The following CD36 variants were observed in gnomAD, a reference collection of about 807,000 sequenced individuals.
The protein encoded by CD36 is platelet glycoprotein 4.
CD36 carries 119 observed loss-of-function variants against 55.2 expected under a neutral mutation model. The observed-to-expected ratio is 2.15, with a 90% CI of 1.86 to 2.51. The LOEUF is 2.51. Among genes scored for constraint, CD36 ranks in the 30% most tolerant of loss-of-function variants. CD36 has a pLI of 0.00. For synonymous variants in CD36, 186 were observed against 193.6 expected (o/e 0.96, Z 0.33); for missense variants, 819 against 555.5 (o/e 1.47, Z -4.77).
intron 8 of CD36, among the ~76,000 whole-genome samples, chr7:80,667,756 T>TTTTTTGTG (rs1797255262): frequency 7.3e-6 from 1 of 137,872 alleles, no homozygotes; most frequent in African/African-American, 2.8e-5. Context: ...TGTTTTTTTT[T>TTTTTTGTG]TTTTTTTTTT....
intron 3 of CD36, among the ~76,000 whole-genome samples, chr7:80,648,578 A>T (rs1795353999): frequency 6.6e-6 from 1 of 152,118 alleles, no homozygotes; most frequent in Admixed American, 6.6e-5. Context: ...GTTTTCTGAC[A>T]TCAAAATGTG....
intron 5 of CD36, chr7:80,662,491 G>A (rs1796617468): frequency 3.7e-6 from 1 of 268,762 alleles, no homozygotes; most frequent in African/African-American, 2.3e-5. Flanking sequence ...GCCGTTAGAC[G>A]TGGAACCTGC....
rs559918039 is a variant in CD36, at chr7:80,669,485, T to C, written c.749-468T>C. ...ACTTGTCGCCCAGGCTGGAGTGCAA[T>C]GGCATGATCTTGGCTCACTGCAGTA... is the stretch of plus-strand genomic sequence containing the variant. On this transcript the variant is annotated intron_variant, in intron 8 of 14. Transcript: ENST00000447544. Among the ~76,000 whole-genome samples, 4 of 152,250 alleles carry C rather than the reference T, an allele frequency of 2.6e-5. No homozygotes were observed. In the South Asian group the frequency reaches 6.2e-4, roughly 24 times the overall value.
In CD36 at chr7:80,670,999, T is replaced by G; in HGVS notation, c.841T>G (p.Ser281Ala). The G allele has an allele frequency of 6.2e-7, 1 of 1,613,334 alleles. No homozygotes were observed. The highest frequency in any genetic ancestry group is 8.5e-7 in the Non-Finnish European group (1 of 1,179,372). Residue 281 changes from serine to alanine, a missense_variant, in exon 10 of 15, where the codon TCC becomes GCC. Physicochemically the swap from Ser to Ala is moderately conservative, Grantham distance 99. Transcript: ENST00000447544. ...TAGGTCAATCTATGCTGTATTTGAA[T>G]CCGACGTTAATCTGAAAGGAATCCC... is the stretch of plus-strand genomic sequence containing the variant. ...ICRSIYAVFE[S>A]DVNLKGIPVY...
At chr7:80,635,725 G>A (rs1794357505), upstream of CD36, among the ~76,000 whole-genome samples, 1 of 152,142 alleles carries the variant, frequency 6.6e-6, no homozygotes, top group African/African-American at 2.4e-5. Flanking sequence ...CACTTAGGAA[G>A]TGATGAATTC....
chr7:80,654,228 A>G (rs1795840666), intron 3 of CD36, among the ~76,000 whole-genome samples: 1 of 152,220 alleles, frequency 6.6e-6, no homozygotes, highest in Non-Finnish European at 1.5e-5. Context: ...AATCCTGTCA[A>G]GCACATTCTG....
intron 3 of CD36, among the ~76,000 whole-genome samples, chr7:80,655,005 G>A (rs529388463): frequency 6.6e-6 from 1 of 152,216 alleles, no homozygotes; most frequent in South Asian, 2.1e-4. Flanking sequence ...CAGCCACCTG[G>A]TTTCTCAGAG....
At chr7:80,610,766 G>T (rs1033430116) in intron 1 of CD36, among the ~76,000 whole-genome samples, 3 of 152,040 alleles carry the variant, frequency 2.0e-5, no homozygotes, top group Admixed American at 2.0e-4. Flanking sequence ...ACTAGAGACT[G>T]GTTTCACTGT....
chr7:80,671,986 T>TGATGGATTAAACCCAAATGA lies in CD36; in HGVS notation c.1072_1091dup (p.Glu365MetfsTer3). The stretch of plus-strand genomic sequence containing the variant: ...CAAGTCCTGATGTTTCAGAACCTAT[T>TGATGGATTAAACCCAAATGA]GATGGATTAAACCCAAATGAAGAAG... On this transcript the variant is annotated frameshift_variant, in exon 11 of 15. Transcript: ENST00000447544. LOFTEE classifies it high-confidence loss of function. The TGATGGATTAAACCCAAATGA allele has an allele frequency of 6.2e-7, 1 of 1,609,230 alleles. No homozygotes were observed.
In CD36 at chr7:80,666,752, T is replaced by G. The variant is rs3211920; in HGVS notation, c.748+263T>G. Among the ~76,000 whole-genome samples the G allele has an allele frequency of 0.03, 4,574 of 152,322 alleles. 216 individuals carry two copies. The highest frequency in any genetic ancestry group is 0.1 in the African/African-American group (4,339 of 41,534). On this transcript the variant is annotated intron_variant, in intron 8 of 14. Transcript: ENST00000447544. ...CTTTGTAAAAACTTTACTGCCATCC[T>G]GGCAACAGAAGTAAATGGTAAAAAA...
intron 1 of CD36, among the ~76,000 whole-genome samples, chr7:80,608,006 G>A (rs1348442315): frequency 2.0e-5 from 3 of 152,030 alleles, no homozygotes; most frequent in Non-Finnish European, 2.9e-5. Context: ...TCCTGACCTC[G>A]TGATCCGCCC....
intron 14 of CD36, among the ~76,000 whole-genome samples, chr7:80,675,916 G>A (rs1584480271): frequency 6.6e-6 from 1 of 151,996 alleles, no homozygotes; most frequent in East Asian, 1.9e-4. Context: ...CTGGTCCAGG[G>A]CAGATGCACT....
Position 80,646,786 on chromosome 7 carries a change from G to GGTGCT in CD36, c.49_53dup (p.Ala20SerfsTer9). On this transcript the variant is annotated frameshift_variant, in exon 3 of 15. Transcript: ENST00000447544. LOFTEE classifies it high-confidence loss of function. ...TGGGCTCATCGCTGGGGCTGTCATTGGTGCTGTCCTGGCTGTGTTTGGAGG... is the reference window on the plus strand; with the variant it reads ...TGGGCTCATCGCTGGGGCTGTCATTGGTGCTGTGCTGTCCTGGCTGTGTTTGGAGG... 6.2e-7 allele frequency: 1 copy of GGTGCT among 1,613,990 alleles called. No individual in the cohort carries two copies. The highest frequency in any genetic ancestry group is 1.1e-5 in the South Asian group (1 of 91,084).
At position 80,646,069 on chromosome 7, in the gene CD36, G is replaced by A. The variant is rs533572011; in HGVS notation, c.-183-19G>A. On this transcript the variant is annotated intron_variant, in intron 1 of 14. Transcript: ENST00000447544. ...TGAGAATTTTTTTCTATTTACCCAT[G>A]CTTTTCTTATTTTCACAGATAGCTT... 2.0e-5 allele frequency: 3 copies of A among 152,152 alleles called. No individual in the cohort carries two copies. The highest frequency in any genetic ancestry group is 4.4e-5 in the Non-Finnish European group (3 of 68,220). The allele number at this position is 152,152 out of a possible 1,614,324, so 9.4% of individuals were successfully genotyped here. A position where few individuals can be genotyped will look rare whatever the true frequency, so the allele number is the denominator to read the frequency against.
At chr7:80,613,139 C>G (rs891420616) in intron 1 of CD36, among the ~76,000 whole-genome samples, 4 of 151,858 alleles carry the variant, frequency 2.6e-5, no homozygotes, top group Non-Finnish European at 5.9e-5. Flanking sequence ...GAAAAAGTAT[C>G]TTTTCTTTAT....
In CD36 at chr7:80,678,083, G is replaced by GTGTGTA. The variant is rs1798217440; in HGVS notation, c.*1705_*1706insATGTGT. 1 of 9,926 alleles carries GTGTGTA rather than the reference G, an allele frequency of 1.0e-4. No individual in the cohort carries two copies. Among genetic ancestry groups the GTGTGTA allele is most frequent in the Admixed American group, 2.0e-3 (1 of 510 alleles). The allele number at this position is 9,926 out of a possible 1,614,324, so 0.6% of individuals were successfully genotyped here. On this transcript the variant is annotated 3_prime_UTR_variant, in exon 15 of 15. Coordinates refer to ENST00000447544, the MANE Select transcript of CD36 (RefSeq NM_001001548.3). ...TTTACATGAAATCTGGGCTTTGGAT[G>GTGTGTA]TGTGTGTGTGTGTGTGTGTGTGTGT...
At chr7:80,675,577 T>C (rs1196954519) in intron 14 of CD36, among the ~76,000 whole-genome samples, 3 of 152,158 alleles carry the variant, frequency 2.0e-5, no homozygotes, top group Non-Finnish European at 4.4e-5. Flanking sequence ...TATATTTGAT[T>C]TTTATGTGGA....
At chr7:80,617,875 G>T (rs1793253484) in intron 1 of CD36, among the ~76,000 whole-genome samples, 1 of 152,104 alleles carries the variant, frequency 6.6e-6, no homozygotes, top group African/African-American at 2.4e-5. Flanking sequence ...TTAGAGAAAG[G>T]TCAGACTGAT....
chr7:80,605,782 A>C (rs1474469727), intron 1 of CD36, among the ~76,000 whole-genome samples: 1 of 152,102 alleles, frequency 6.6e-6, no homozygotes, highest in Admixed American at 6.5e-5. Flanking sequence ...TCCTGGGAAG[A>C]CCTTTAATTT....
Sources: allele counts gnomAD v4.1 joint callset (sites outside exome capture counted in the v4.1 genomes callset), GRCh38; gene constraint gnomAD v4.1.1; transcripts MANE v1.5; gene names NCBI Gene and HGNC (gene_info 2026-07-23, HGNC 2026-07-21).